Variants in PDE10A observed in about 807,000 individuals in gnomAD.
The protein encoded by PDE10A is cAMP and cAMP-inhibited cGMP 3',5'-cyclic phosphodiesterase 10A.
A neutral mutation model predicts 97.7 loss-of-function variants in PDE10A; 39 were observed. The observed-to-expected ratio is 0.40, with a 90% CI of 0.31 to 0.52. The LOEUF (loss-of-function observed/expected upper bound fraction) is 0.52, where lower values mean the gene tolerates loss of function less well. Among genes scored for constraint, PDE10A ranks in the 20% least tolerant of loss-of-function variants. PDE10A has a pLI of 0.56. For synonymous variants in PDE10A, 371 were observed against 376.8 expected (o/e 0.98, Z 0.18); for missense variants, 731 against 1,047.8 (o/e 0.70, Z 4.17).
chr6:165,505,534 A>G lies in PDE10A; in HGVS notation c.995-23191T>C, dbSNP rs570121489. On this transcript the variant is annotated intron_variant, in intron 2 of 21. Transcript: ENST00000539869. ...ACTTTTTTAAAAAGTTCAAATAAAT[A>G]TGCAGCTAGGTCACTATAAGCTTTG... Among the ~76,000 whole-genome samples, 30 of 152,332 alleles carry G rather than the reference A, an allele frequency of 2.0e-4. 1 individual carries two copies. In the South Asian group the frequency reaches 5.8e-3, roughly 29 times the overall value.
intron 13 of PDE10A, among the ~76,000 whole-genome samples, chr6:165,397,702 C>CAAAAAAAA (rs71026686): frequency 3.3e-4 from 29 of 88,338 alleles, no homozygotes; most frequent in South Asian, 4.8e-4. Context: ...AACTCCATCT[C>CAAAAAAAA]AAAAAAAAAA....
intron 1 of PDE10A, among the ~76,000 whole-genome samples, chr6:165,732,778 G>A (rs907775521): frequency 7.2e-5 from 11 of 152,308 alleles, no homozygotes; most frequent in Admixed American, 2.0e-4. Context: ...CCTGGCATAT[G>A]AGCGCTGTCC....
At chr6:165,952,078 A>G (rs921371320) in intron 1 of PDE10A, among the ~76,000 whole-genome samples, 4 of 152,240 alleles carry the variant, frequency 2.6e-5, no homozygotes, top group African/African-American at 9.6e-5. Flanking sequence ...CCTCATGCGA[A>G]GTAACGAGGC....
At position 165,655,914 on chromosome 6, in the gene PDE10A, A is replaced by C. The variant is rs9348027; in HGVS notation, c.865+6033T>G. Among the ~76,000 whole-genome samples the C allele has an allele frequency of 0.2, 29,724 of 151,836 alleles. 3,008 individuals carry two copies. Among genetic ancestry groups the C allele is most frequent in the East Asian group, 0.36 (1,830 of 5,108 alleles). ...CCCTCTGCCTAGGGTGCTTTTCCCC[A>C]GATAACTGCATGGCCGATGACACCT... On this transcript the variant is annotated intron_variant, in intron 1 of 21. Transcript: ENST00000539869. This position sits in a 1 kb window ranked among gnomAD's most constrained non-coding sequence, Gnocchi z 4.5.
At chr6:165,406,955 G>A (rs1787227079) in intron 13 of PDE10A, among the ~76,000 whole-genome samples, 1 of 152,106 alleles carries the variant, frequency 6.6e-6, no homozygotes, top group Admixed American at 6.6e-5. Flanking sequence ...TCTGACTCAG[G>A]GTTACACCAT....
intron 5 of PDE10A, among the ~76,000 whole-genome samples, chr6:165,444,100 G>C (rs1041862988): frequency 3.3e-5 from 5 of 152,064 alleles, no homozygotes; most frequent in Non-Finnish European, 5.9e-5. Context: ...ACATATGACT[G>C]TGCAAGGCTA....
chr6:165,838,369 G>C (rs1159878805), intron 1 of PDE10A, among the ~76,000 whole-genome samples: 1 of 151,904 alleles, frequency 6.6e-6, no homozygotes, highest in Non-Finnish European at 1.5e-5. Context: ...CAAATTCAGG[G>C]TTTTTATTGA....
At chr6:165,964,413 T>C (rs1025123833) in intron 1 of PDE10A, among the ~76,000 whole-genome samples, 17 of 152,258 alleles carry the variant, frequency 1.1e-4, no homozygotes, top group African/African-American at 4.1e-4. Context: ...GTTTTTCTCC[T>C]GTTCTCTTTT....
intron 1 of PDE10A, among the ~76,000 whole-genome samples, chr6:165,796,810 G>A (rs1778843778): frequency 6.6e-6 from 1 of 152,042 alleles, no homozygotes; most frequent in Non-Finnish European, 1.5e-5. Context: ...CCTCACACCA[G>A]CCCCAGCCCC....
chr6:165,363,927 G>T (rs549543211), intron 18 of PDE10A, among the ~76,000 whole-genome samples: 3 of 152,218 alleles, frequency 2.0e-5, no homozygotes, highest in East Asian at 3.9e-4. Flanking sequence ...ATATTGTTAA[G>T]ACGGCAATAC....
chr6:165,863,044 C>T (rs930964894), intron 1 of PDE10A, among the ~76,000 whole-genome samples: 8 of 152,234 alleles, frequency 5.3e-5, no homozygotes, highest in African/African-American at 1.9e-4. Context: ...ATAATCTCTA[C>T]AGTGCCTTTT....
At chr6:165,499,492 C>G (rs1053723400) in intron 2 of PDE10A, among the ~76,000 whole-genome samples, 1 of 152,156 alleles carries the variant, frequency 6.6e-6, no homozygotes, top group Admixed American at 6.5e-5. Context: ...TTGTTAACAC[C>G]ATCCTACTTC....
intron 15 of PDE10A, 53 bp from the exon 16 acceptor site, chr6:165,392,849 G>C: frequency 6.6e-7 from 1 of 1,520,382 alleles, no homozygotes; most frequent in Admixed American, 1.7e-5. Context: ...TCACTATGTT[G>C]TAGGAGAACT....
At chr6:165,624,552 T>G (rs369722211) in intron 1 of PDE10A, among the ~76,000 whole-genome samples, 13 of 152,314 alleles carry the variant, frequency 8.5e-5, no homozygotes, top group African/African-American at 3.1e-4. Context: ...ATTAACTAAT[T>G]CCAGTTCAAA....
At chr6:165,576,976 A>C (rs905536003) in intron 1 of PDE10A, among the ~76,000 whole-genome samples, 1 of 151,948 alleles carries the variant, frequency 6.6e-6, no homozygotes, top group Non-Finnish European at 1.5e-5. Flanking sequence ...AGAAAAGTCC[A>C]CTCTTCTTCC....
At chr6:165,876,152 C>T (rs1781340046) in intron 1 of PDE10A, among the ~76,000 whole-genome samples, 1 of 152,214 alleles carries the variant, frequency 6.6e-6, no homozygotes. Context: ...CACACTGGTG[C>T]TTCTAGGACT....
At chr6:165,456,481 A>G (rs1180669660) in intron 3 of PDE10A, among the ~76,000 whole-genome samples, 2 of 152,214 alleles carry the variant, frequency 1.3e-5, no homozygotes, top group African/African-American at 4.8e-5. Flanking sequence ...AGGCTCTTTA[A>G]TAATGACCTG....
intron 1 of PDE10A, among the ~76,000 whole-genome samples, chr6:165,659,194 A>G (rs1368722112): frequency 6.6e-6 from 1 of 152,208 alleles, no homozygotes; most frequent in Non-Finnish European, 1.5e-5. Context: ...ATAAAAATAA[A>G]ACCAGCATTC....
intron 3 of PDE10A, among the ~76,000 whole-genome samples, chr6:165,475,421 T>A (rs188180080): frequency 2.0e-4 from 31 of 151,898 alleles, no homozygotes; most frequent in Admixed American, 1.6e-3. Context: ...CAAAGAAAAG[T>A]GAAAAACAAG....
Sources: gnomAD v4.1 joint callset for allele counts (sites outside exome capture counted in the v4.1 genomes callset) on GRCh38, gnomAD v4.1.1 for gene constraint, Gnocchi (gnomAD v3.1) non-coding constraint, MANE v1.5 for transcripts, NCBI Gene and HGNC (gene_info 2026-07-23, HGNC 2026-07-21) for gene names.